UBAP2: variants seen among roughly 807,000 people sequenced by gnomAD.
UBAP2 encodes ubiquitin associated protein 2, also known as ubiquitin-associated protein 2.
In UBAP2, 75 loss-of-function variants were observed where a neutral mutation model predicts 139.6. That is an observed-to-expected ratio of 0.54 (90% CI 0.45 to 0.65). The LOEUF (loss-of-function observed/expected upper bound fraction) is 0.65. Ranked by LOEUF, UBAP2 falls within the 30% of genes least tolerant of loss-of-function variation. The probability of loss-of-function intolerance (pLI) is 0.00; values close to 1 mark genes in which losing one functional copy is unlikely to be tolerated. For missense variants in UBAP2, 1,368 were observed against 1,369.6 expected (o/e 1.00, Z 0.02); for synonymous variants, 526 against 526.2 (o/e 1.00, Z 0.01).
chr9:33,946,399 A>C (rs925711345), intron 13 of UBAP2, among the ~76,000 whole-genome samples: 4 of 152,198 alleles, frequency 2.6e-5, no homozygotes, highest in African/African-American at 7.2e-5. Context: ...TAGATTCACT[A>C]TTTATGTTTA....
intron 4 of UBAP2, chr9:33,994,713 T>C (rs1378691032): frequency 2.0e-5 from 3 of 151,958 alleles, no homozygotes; most frequent in Admixed American, 2.0e-4. Flanking sequence ...TGTGTACCAG[T>C]GTTCTCTTAC....
intron 12 of UBAP2, among the ~76,000 whole-genome samples, chr9:33,952,450 T>A (rs1420603072): frequency 2.6e-5 from 4 of 152,020 alleles, no homozygotes; most frequent in Non-Finnish European, 5.9e-5. Context: ...TAAAAACACA[T>A]CCAAACTATA....
chr9:34,025,951 T>G (rs1312970869), intron 1 of UBAP2, among the ~76,000 whole-genome samples: 1 of 152,204 alleles, frequency 6.6e-6, no homozygotes, highest in Non-Finnish European at 1.5e-5. Context: ...TTTCAAGTGA[T>G]CTCAGTTTAG....
At chr9:33,975,169 C>T (rs1229445848) in intron 6 of UBAP2, among the ~76,000 whole-genome samples, 6 of 151,716 alleles carry the variant, frequency 4.0e-5, no homozygotes, top group East Asian at 1.9e-4. Context: ...TGGTGGCTCA[C>T]GCCTGTAATC....
chr9:34,039,847 T>TAAAAA (rs74180526), intron 1 of UBAP2, among the ~76,000 whole-genome samples: 74 of 84,366 alleles, frequency 8.8e-4, no homozygotes, highest in Admixed American at 1.0e-3. Context: ...CAATAAATAC[T>TAAAAA]AAAAAAAAAA....
chr9:33,990,617 C>T (rs1821619542), intron 4 of UBAP2, among the ~76,000 whole-genome samples: 1 of 145,996 alleles, frequency 6.8e-6, no homozygotes, highest in Non-Finnish European at 1.5e-5. Flanking sequence ...TAGAAGGTTA[C>T]TTAGAAATAG....
chr9:33,925,675 T>TA (rs1462457651), intron 22 of UBAP2, among the ~76,000 whole-genome samples: 1 of 152,136 alleles, frequency 6.6e-6, no homozygotes, highest in Non-Finnish European at 1.5e-5. Context: ...CTTCTGGAAA[T>TA]ACGGCCAGCC....
chr9:33,938,421 A>T (rs977117902), intron 16 of UBAP2, among the ~76,000 whole-genome samples: 4 of 152,068 alleles, frequency 2.6e-5, no homozygotes, highest in African/African-American at 9.7e-5. Flanking sequence ...ATAAGCCACC[A>T]TGCCCAGCCC....
intron 5 of UBAP2, 63 bp downstream of exon 5, chr9:33,988,910 T>G: frequency 6.5e-7 from 1 of 1,538,536 alleles, no homozygotes; most frequent in East Asian, 2.3e-5. Flanking sequence ...TTTGGGAGGC[T>G]GAGGCGGGAG....
In UBAP2 at chr9:34,041,298, CAA is replaced by C. The variant is rs34270173; in HGVS notation, c.-42+7525_-42+7526del. On this transcript the variant is annotated intron_variant, in intron 1 of 28. Coordinates refer to ENST00000379238, the MANE Select transcript of UBAP2 (RefSeq NM_001370062.2). The stretch of plus-strand genomic sequence containing the variant: ...TGAACCCACAGCTCTACTAAAAATG[CAA>C]AAAAAAAAAAAAAAATTAGCCAGGC... Among the ~76,000 whole-genome samples the C allele has an allele frequency of 7.4e-3, 991 of 134,170 alleles. 6 individuals carry two copies. The highest frequency in any genetic ancestry group is 0.049 in the East Asian group (224 of 4,608). The allele number at this position is 134,170 out of a possible 152,430, so 88.0% of individuals were successfully genotyped here. A position where few individuals can be genotyped will look rare whatever the true frequency, so the allele number is the denominator to read the frequency against.
chr9:33,973,210 G>A lies in UBAP2; in HGVS notation c.548C>T (p.Ala183Val), dbSNP rs1047027147. The A allele has an allele frequency of 1.1e-5, 18 of 1,613,902 alleles. No homozygotes were observed. The highest frequency in any genetic ancestry group is 8.8e-5 in the South Asian group (8 of 91,080). Residue 183 changes from alanine to valine, a missense_variant, in exon 7 of 29, where the codon GCA becomes GTA. By Grantham distance (64) the Ala-to-Val change is moderately conservative. Transcript: ENST00000379238. ...CATGCCTTGGGTTGAGAACCTTCCTGCCCCTCTCCCTCTGCCACGTCCAAA... is the reference window on the plus strand; with the variant it reads ...CATGCCTTGGGTTGAGAACCTTCCTACCCCTCTCCCTCTGCCACGTCCAAA... ...RGFGRGRGRG[A>V]GRFSTQGMGT...
intron 8 of UBAP2, among the ~76,000 whole-genome samples, chr9:33,968,874 A>G (rs890412520): frequency 6.6e-6 from 1 of 152,190 alleles, no homozygotes; most frequent in African/African-American, 2.4e-5. Context: ...GCAACCACCA[A>G]GCTAATTTCT....
intron 2 of UBAP2, among the ~76,000 whole-genome samples, chr9:34,014,544 G>A (rs571507369): frequency 1.3e-5 from 2 of 151,654 alleles, no homozygotes; most frequent in Admixed American, 6.6e-5. Context: ...CAGGAGAATC[G>A]CTTGAACCCA....
chr9:34,046,405 T>C (rs1484078107), intron 1 of UBAP2, among the ~76,000 whole-genome samples: 1 of 151,380 alleles, frequency 6.6e-6, no homozygotes, highest in African/African-American at 2.4e-5. Context: ...ATCCCAGCAC[T>C]TTGGGAGGCA....
intron 1 of UBAP2, among the ~76,000 whole-genome samples, chr9:34,028,962 T>G (rs1042031515): frequency 6.6e-6 from 1 of 152,012 alleles, no homozygotes; most frequent in Admixed American, 6.6e-5. Flanking sequence ...TAAATTTTTT[T>G]TTAATTAGCC....
intron 18 of UBAP2, 53 bp from the exon 19 acceptor site, chr9:33,932,681 G>A (rs897952632): frequency 2.5e-6 from 4 of 1,601,010 alleles, no homozygotes; most frequent in Non-Finnish European, 3.4e-6. Flanking sequence ...GACTCCAGAT[G>A]AACAAGACGC....
chr9:33,937,261 C>T (rs149261647), intron 16 of UBAP2, among the ~76,000 whole-genome samples: 85 of 152,096 alleles, frequency 5.6e-4, no homozygotes, highest in African/African-American at 2.0e-3. Flanking sequence ...AATTTAACTG[C>T]GTCTGGGGTG....
chr9:33,985,258 T>C (rs1821104433), intron 6 of UBAP2, among the ~76,000 whole-genome samples: 1 of 152,200 alleles, frequency 6.6e-6, no homozygotes, highest in African/African-American at 2.4e-5. Flanking sequence ...GGTACTTTGT[T>C]ACATGCAGAG....
intron 8 of UBAP2, chr9:33,968,631 C>T (rs138426198): frequency 7.6e-4 from 205 of 268,996 alleles, no homozygotes; most frequent in Non-Finnish European, 1.2e-3. Context: ...AATAATCATA[C>T]GGATTTTTCT....
Sources: allele counts gnomAD v4.1 joint callset (sites outside exome capture counted in the v4.1 genomes callset), GRCh38; gene constraint gnomAD v4.1.1; transcripts MANE v1.5; gene names NCBI Gene and HGNC (gene_info 2026-07-23, HGNC 2026-07-21).